The following PRKG1 variants were observed in gnomAD, a reference collection of about 807,000 sequenced individuals.
PRKG1 encodes cGMP-dependent protein kinase 1.
In PRKG1, 35 loss-of-function variants were observed where a neutral mutation model predicts 88.1. That is an observed-to-expected ratio of 0.40 (90% CI 0.30 to 0.53). The LOEUF (loss-of-function observed/expected upper bound fraction) is 0.53. Ranked by LOEUF, PRKG1 falls within the 20% of genes least tolerant of loss-of-function variation. The pLI is 0.59. For missense variants in PRKG1, 540 were observed against 839.8 expected (o/e 0.64, Z 4.41); for synonymous variants, 303 against 292.5 (o/e 1.04, Z -0.37).
chr10:51,952,199 C>T (rs912480227), intron 5 of PRKG1, among the ~76,000 whole-genome samples: 5 of 152,150 alleles, frequency 3.3e-5, no homozygotes, highest in African/African-American at 7.2e-5. Flanking sequence ...TTAAACTGAC[C>T]TGATGTTTGT....
intron 4 of PRKG1, among the ~76,000 whole-genome samples, chr10:51,900,969 A>C (rs756497574): frequency 6.6e-6 from 1 of 152,166 alleles, no homozygotes; most frequent in Non-Finnish European, 1.5e-5. Context: ...AACTTTTACT[A>C]TTTCAGGAAG....
chr10:51,205,680 C>T (rs533846734), intron 2 of PRKG1, among the ~76,000 whole-genome samples: 7 of 151,670 alleles, frequency 4.6e-5, no homozygotes, highest in East Asian at 2.0e-4. Context: ...GGACTAGAGG[C>T]GCTGCCACCA....
chr10:51,162,001 T>C (rs146669179), intron 2 of PRKG1, among the ~76,000 whole-genome samples: 216 of 152,334 alleles, frequency 1.4e-3, no homozygotes, highest in Admixed American at 8.5e-4. Flanking sequence ...CAATCTACAA[T>C]TGTTATGTGT....
chr10:51,347,415 T>G (rs1196997157), intron 2 of PRKG1, among the ~76,000 whole-genome samples: 2 of 152,200 alleles, frequency 1.3e-5, no homozygotes, highest in Non-Finnish European at 2.9e-5. Context: ...AATGGATACT[T>G]CAGTTCCTCA....
At chr10:51,152,987 TTTTTTTG>T (rs1425516629) in intron 1 of PRKG1, among the ~76,000 whole-genome samples, 170 bp from the exon 2 acceptor site, 1 of 148,258 alleles carries the variant, frequency 6.7e-6, no homozygotes, top group Non-Finnish European at 1.5e-5. Flanking sequence ...TTTTTTTTTT[TTTTTTTG>T]TTTTGCTGCC....
At chr10:51,833,947 A>C (rs1193888531) in intron 4 of PRKG1, among the ~76,000 whole-genome samples, 1 of 152,136 alleles carries the variant, frequency 6.6e-6, no homozygotes, top group African/African-American at 2.4e-5. Context: ...AAGTGAGATC[A>C]TATGGTCTTT....
At chr10:51,717,831 C>CA (rs776653787) in intron 3 of PRKG1, among the ~76,000 whole-genome samples, 796 of 68,562 alleles carry the variant, frequency 0.012, 3 homozygotes, top group Middle Eastern at 0.022. Context: ...GACTCTGTCT[C>CA]AAAAAAAAAA....
intron 3 of PRKG1, among the ~76,000 whole-genome samples, chr10:51,498,923 A>G (rs79560718): frequency 3.0e-4 from 45 of 151,226 alleles, no homozygotes; most frequent in African/African-American, 9.4e-4. Flanking sequence ...AAAAAAAAAA[A>G]GCCAGCACAT....
intron 8 of PRKG1, among the ~76,000 whole-genome samples, chr10:52,147,507 A>G (rs1348362890): frequency 6.6e-6 from 1 of 152,226 alleles, no homozygotes; most frequent in Admixed American, 6.5e-5. Context: ...ACATTGCTGT[A>G]TTGGAATTCC....
At chr10:52,213,952 C>T (rs944157016) in intron 9 of PRKG1, among the ~76,000 whole-genome samples, 1 of 152,174 alleles carries the variant, frequency 6.6e-6, no homozygotes, top group Non-Finnish European at 1.5e-5. Flanking sequence ...ACATTTAATA[C>T]ATCTACAAGA....
At chr10:51,232,113 T>C (rs571163952) in intron 2 of PRKG1, among the ~76,000 whole-genome samples, 15 of 152,298 alleles carry the variant, frequency 9.8e-5, no homozygotes, top group Admixed American at 2.0e-4. Context: ...TGGAGACTTA[T>C]GCATGTAGGG....
chr10:51,645,802 G>A (rs1280832666), intron 3 of PRKG1, among the ~76,000 whole-genome samples: 2 of 152,052 alleles, frequency 1.3e-5, no homozygotes, highest in East Asian at 1.9e-4. Context: ...TATTGTCTTA[G>A]CTTTTTGTAC....
At chr10:51,899,648 A>G (rs1373750572) in intron 4 of PRKG1, among the ~76,000 whole-genome samples, 1 of 135,910 alleles carries the variant, frequency 7.4e-6, no homozygotes, top group African/African-American at 2.8e-5. Flanking sequence ...ACAGCGTGAG[A>G]GTCTGTCAAA....
intron 3 of PRKG1, among the ~76,000 whole-genome samples, chr10:51,522,151 G>A (rs77578482): frequency 0.068 from 10,388 of 152,104 alleles, 514 homozygotes; most frequent in South Asian, 0.12. Flanking sequence ...GAGTAATTCC[G>A]GGAAATATTT....
At position 52,296,526 on chromosome 10, in the gene PRKG1, C is replaced by T. The variant is rs1842386923; in HGVS notation, c.*2626C>T. 1 of 152,062 alleles carries T rather than the reference C, an allele frequency of 6.6e-6. No individual in the cohort carries two copies. Among genetic ancestry groups the T allele is most frequent in the South Asian group, 2.1e-4 (1 of 4,834 alleles). 9.4% of individuals were successfully genotyped at this position (152,062 alleles called of 1,614,324 possible). On this transcript the variant is annotated 3_prime_UTR_variant, in exon 18 of 18. Transcript: ENST00000373980. ...AGACTCTAGGGCTAAAATTCATGGT[C>T]AGTTCCATAAAATGCATCTCACTTT...
chr10:51,989,159 C>A (rs760143968), intron 5 of PRKG1, among the ~76,000 whole-genome samples: 4 of 151,946 alleles, frequency 2.6e-5, no homozygotes, highest in African/African-American at 4.8e-5. Flanking sequence ...AAGGAAACAA[C>A]AACAACAAAA....
intron 2 of PRKG1, among the ~76,000 whole-genome samples, chr10:51,434,081 T>G (rs746383750): frequency 1.6e-4 from 25 of 152,140 alleles, no homozygotes; most frequent in Non-Finnish European, 3.4e-4. Context: ...CCCAGTGCAT[T>G]GCAACTGTCA....
chr10:51,704,185 A>G lies in PRKG1; in HGVS notation c.593-100400A>G, dbSNP rs140949643. 2.1e-3 allele frequency among the ~76,000 whole-genome samples: 312 copies of G among 151,372 alleles called. 2 individuals carry two copies. Among genetic ancestry groups the G allele is most frequent in the Non-Finnish European group, 3.4e-3 (232 of 67,834 alleles). Reference sequence around the variant, plus strand: ...TAAATAAATAAATAAATAAAATTAAATTAAATAAAAAGAATGCAATTATAG... The same window carrying G: ...TAAATAAATAAATAAATAAAATTAAGTTAAATAAAAAGAATGCAATTATAG... On this transcript the variant is annotated intron_variant, in intron 3 of 17. Transcript: ENST00000373980.
chr10:51,835,600 G>A (rs1840112454), intron 4 of PRKG1, among the ~76,000 whole-genome samples: 1 of 152,038 alleles, frequency 6.6e-6, no homozygotes, highest in Admixed American at 6.6e-5. Context: ...TTTTTCATTG[G>A]TTATCAATTA....
Sources: allele counts gnomAD v4.1 joint callset (sites outside exome capture counted in the v4.1 genomes callset), GRCh38; gene constraint gnomAD v4.1.1; transcripts MANE v1.5; gene names NCBI Gene and HGNC (gene_info 2026-07-23, HGNC 2026-07-21).